The following TMC5 variants were observed in gnomAD, a reference collection of about 807,000 sequenced individuals.
TMC5 encodes transmembrane channel like 5, also known as transmembrane channel-like protein 5.
A neutral mutation model predicts 110.5 loss-of-function variants in TMC5; 86 were observed. The ratio of observed to expected loss-of-function variants is 0.78; its 90% CI spans 0.65 to 0.93. TMC5 has a LOEUF of 0.93. TMC5 is among the 40% of genes least tolerant of loss of function. The pLI is 0.00. For missense variants in TMC5, 1,144 were observed against 1,222.8 expected (o/e 0.94, Z 0.96); for synonymous variants, 455 against 439.5 (o/e 1.04, Z -0.44).
Position 19,498,568 on chromosome 16 carries a change from T to A in TMC5, c.*602T>A. 6.6e-6 allele frequency: 1 copy of A among 151,318 alleles called. No individual in the cohort carries two copies. The highest frequency in any genetic ancestry group is 2.1e-4 in the South Asian group (1 of 4,822). The allele number at this position is 151,318 out of a possible 1,614,324, so 9.4% of individuals were successfully genotyped here. On this transcript the variant is annotated 3_prime_UTR_variant, in exon 22 of 22. Transcript: ENST00000542583. ...TCGGGGATGGAGGAGGTTCTGCCCC[T>A]GTGAGGTGTTATACATGACCATCAA... is the stretch of plus-strand genomic sequence containing the variant.
At chr16:19,433,015 T>C (rs1342672862) in intron 2 of TMC5, among the ~76,000 whole-genome samples, 1 of 152,122 alleles carries the variant, frequency 6.6e-6, no homozygotes, top group Non-Finnish European at 1.5e-5. Context: ...AATATACACA[T>C]ATAATACACA....
At position 19,434,415 on chromosome 16, in the gene TMC5, C is replaced by A. The variant is rs545681178; in HGVS notation, c.-80+3775C>A. 1.3e-4 allele frequency among the ~76,000 whole-genome samples: 17 copies of A among 126,348 alleles called. No homozygotes were observed. In the East Asian group the frequency reaches 2.1e-3, roughly 16 times the overall value. The allele number at this position is 126,348 out of a possible 152,430, so 82.9% of individuals were successfully genotyped here. A position where few individuals can be genotyped will look rare whatever the true frequency, so the allele number is the denominator to read the frequency against. On this transcript the variant is annotated intron_variant, in intron 2 of 21. Coordinates refer to ENST00000542583, the MANE Select transcript of TMC5 (RefSeq NM_001261841.2). ...GATATAATATATATATCATATATAT[C>A]TATATATAATATGTATATATCATAT...
upstream of TMC5, among the ~76,000 whole-genome samples, chr16:19,416,998 G>A (rs927741460): frequency 2.0e-5 from 3 of 149,838 alleles, no homozygotes; most frequent in African/African-American, 5.0e-5. Context: ...GGAGGCTGAG[G>A]CAGGAGAATC....
chr16:19,439,985 T>A lies in TMC5; in HGVS notation c.-54T>A. The A allele has an allele frequency of 2.2e-6, 3 of 1,392,900 alleles. No homozygotes were observed. The highest frequency in any genetic ancestry group is 2.8e-5 in the South Asian group (2 of 71,376). The allele number at this position is 1,392,900 out of a possible 1,614,324, so 86.3% of individuals were successfully genotyped here. ...GTGAAAAAAAAAAAAGATCCCTGAG[T>A]AATTGCAAATGCTGGGACAGTTTAC... On this transcript the variant is annotated 5_prime_UTR_variant, in exon 3 of 22. Coordinates refer to ENST00000542583, the MANE Select transcript of TMC5 (RefSeq NM_001261841.2).
upstream of TMC5, among the ~76,000 whole-genome samples, chr16:19,413,523 CAAAAAAAAAAAAAAAA>C (rs869158130): frequency 0.022 from 1,146 of 52,966 alleles, 55 homozygotes; most frequent in African/African-American, 0.053. Flanking sequence ...AACCCTGCCT[CAAAAAAAAAAAAAAAA>C]AAAAAAAAAA....
intron 8 of TMC5, 101 bp downstream of exon 8, chr16:19,464,125 G>A (rs1031051987): frequency 5.9e-6 from 8 of 1,352,040 alleles, no homozygotes; most frequent in African/African-American, 5.8e-5. Flanking sequence ...TTTGCCTGGG[G>A]GTCAACTGAT....
chr16:19,464,078 G>A (rs1455859354), intron 8 of TMC5, 54 bp downstream of exon 8: 9 of 1,580,646 alleles, frequency 5.7e-6, no homozygotes, highest in Admixed American at 3.5e-5. Context: ...GGAAACCCAG[G>A]GACGTGCCTT....
chr16:19,430,016 G>C (rs576171473), intron 1 of TMC5, among the ~76,000 whole-genome samples: 29 of 151,822 alleles, frequency 1.9e-4, no homozygotes, highest in Admixed American at 3.3e-4. Flanking sequence ...CTTTTTGAGG[G>C]GATGCAACTC....
Position 19,498,362 on chromosome 16 carries a change from A to G in TMC5, c.*396A>G. 5.0e-6 allele frequency: 1 copy of G among 201,634 alleles called. No homozygotes were observed. The highest frequency in any genetic ancestry group is 1.0e-5 in the Non-Finnish European group (1 of 99,782). The allele number at this position is 201,634 out of a possible 1,614,324, so 12.5% of individuals were successfully genotyped here. ...AAAGGTTTAGAAACTGTTGCTAAGA[A>G]AAGTGGTCCATCCTGAATAAACATG... On this transcript the variant is annotated 3_prime_UTR_variant, in exon 22 of 22. Transcript: ENST00000542583.
intron 1 of TMC5, among the ~76,000 whole-genome samples, chr16:19,419,593 T>C (rs949640189): frequency 1.3e-5 from 2 of 151,714 alleles, no homozygotes; most frequent in Non-Finnish European, 2.9e-5. Flanking sequence ...TTTGTATTTT[T>C]AGGAGAGACG....
At chr16:19,471,621 GT>G (rs1968344393) in intron 10 of TMC5, among the ~76,000 whole-genome samples, 1 of 152,198 alleles carries the variant, frequency 6.6e-6, no homozygotes, top group South Asian at 2.1e-4. Flanking sequence ...CATCATGAAT[GT>G]TCCCCCTCTC....
At chr16:19,428,564 G>A (rs797009304) in intron 1 of TMC5, among the ~76,000 whole-genome samples, 42 of 152,136 alleles carry the variant, frequency 2.8e-4, no homozygotes, top group African/African-American at 1.0e-3. Context: ...CTATACCTTA[G>A]ACCATTTCCT....
chr16:19,434,077 TATA>T, intron 2 of TMC5, among the ~76,000 whole-genome samples: 2 of 16,818 alleles, frequency 1.2e-4, no homozygotes, highest in African/African-American at 9.8e-4. Flanking sequence ...ATATATTATA[TATA>T]ATATATATAT....
chr16:19,443,938 T>C, intron 3 of TMC5, 143 bp from the exon 4 acceptor site: 1 of 774,116 alleles, frequency 1.3e-6, no homozygotes. Flanking sequence ...GATACATGGA[T>C]GGATGGATGG....
chr16:19,490,758 CCTTCCCTTCCT>C lies in TMC5; in HGVS notation c.2747+191_2747+201del. Among the ~76,000 whole-genome samples, 8 of 49,986 alleles carry C rather than the reference CCTTCCCTTCCT, an allele frequency of 1.6e-4. No homozygotes were observed. The East Asian group carries it at 2.4e-3, about 15-fold the overall frequency. 32.8% of individuals were successfully genotyped at this position (49,986 alleles called of 152,430 possible). On this transcript the variant is annotated intron_variant, in intron 18 of 21. Transcript: ENST00000542583. The stretch of plus-strand genomic sequence containing the variant: ...TCCTTCCTTCCTTCCTTCCTTCCTT[CCTTCCCTTCCT>C]TTTTTTCTTTTCTCTTCTCTTCCCT...
chr16:19,495,108 G>A lies in TMC5; in HGVS notation c.2931+742G>A, dbSNP rs986839946. Among the ~76,000 whole-genome samples, 257 of 28,818 alleles carry A rather than the reference G, an allele frequency of 8.9e-3. 60 individuals are homozygous for A. Among genetic ancestry groups the A allele is most frequent in the African/African-American group, 0.019 (249 of 13,350 alleles). 18.9% of individuals were successfully genotyped at this position (28,818 alleles called of 152,430 possible). On this transcript the variant is annotated intron_variant, in intron 20 of 21. Coordinates refer to ENST00000542583, the MANE Select transcript of TMC5 (RefSeq NM_001261841.2). The stretch of plus-strand genomic sequence containing the variant: ...CGGCGCACTGCAAGCTCCGCCTCCC[G>A]GGTTCACGCCATTCTCCTGCCTCAG...
At chr16:19,438,412 G>GAAAGA (rs1567302269) in intron 2 of TMC5, among the ~76,000 whole-genome samples, 1 of 38,982 alleles carries the variant, frequency 2.6e-5, no homozygotes, top group African/African-American at 7.4e-5. Flanking sequence ...AAAAAAAGAA[G>GAAAGA]AAAGAAAAGA....
chr16:19,492,915 G>GAGATATATAT (rs1555486833), intron 19 of TMC5, among the ~76,000 whole-genome samples: 2 of 42,752 alleles, frequency 4.7e-5, no homozygotes, highest in Non-Finnish European at 1.6e-4. Flanking sequence ...TTAAAACTTA[G>GAGATATATAT]ATATATATAT....
At chr16:19,435,076 T>A (rs1267663038) in intron 2 of TMC5, among the ~76,000 whole-genome samples, 1 of 152,222 alleles carries the variant, frequency 6.6e-6, no homozygotes, top group Non-Finnish European at 1.5e-5. Context: ...GATTTATGTA[T>A]AAGAAAATTG....
Sources: gnomAD v4.1 joint callset for allele counts (sites outside exome capture counted in the v4.1 genomes callset) on GRCh38, gnomAD v4.1.1 for gene constraint, MANE v1.5 for transcripts, NCBI Gene and HGNC (gene_info 2026-07-23, HGNC 2026-07-21) for gene names.